Variants in PHF14 observed in about 807,000 individuals in gnomAD.
PHF14 encodes the protein PHD finger protein 14.
A neutral mutation model predicts 117.9 loss-of-function variants in PHF14; 55 were observed. The ratio of observed to expected loss-of-function variants is 0.47; its 90% CI spans 0.38 to 0.58. PHF14 has a LOEUF of 0.58. Among genes scored for constraint, PHF14 ranks in the 20% least tolerant of loss-of-function variants. The pLI, the probability that PHF14 is intolerant of heterozygous loss-of-function variation, is 0.00. For synonymous variants in PHF14, 409 were observed against 368.6 expected (o/e 1.11, Z -1.26); for missense variants, 978 against 1,122.2 (o/e 0.87, Z 1.84).
In PHF14 at chr7:11,103,541, A is replaced by G. The variant is rs764606017; in HGVS notation, c.2655-7809A>G. ...AAGTATGTTGAATATTTCATCACTC[A>G]ATCTTGAACTGATTTAGAAGAGACT... On this transcript the variant is annotated intron_variant, in intron 16 of 17. Coordinates refer to ENST00000634607, the MANE Select transcript of PHF14 (RefSeq NM_001007157.2). 1.4e-3 allele frequency: 1,382 copies of G among 985,130 alleles called. 1 individual carries two copies. The highest frequency in any genetic ancestry group is 1.6e-3 in the Non-Finnish European group (1,303 of 829,472). 61.0% of individuals were successfully genotyped at this position (985,130 alleles called of 1,614,324 possible). A position where few individuals can be genotyped will look rare whatever the true frequency, so the allele number is the denominator to read the frequency against.
chr7:11,006,192 T>G (rs1034769914), intron 4 of PHF14, among the ~76,000 whole-genome samples: 5 of 152,218 alleles, frequency 3.3e-5, no homozygotes, highest in Admixed American at 6.5e-5. Context: ...TAACATTGCA[T>G]ATTTGTAAAT....
intron 17 of PHF14, among the ~76,000 whole-genome samples, chr7:11,156,322 T>A (rs1179003481): frequency 6.7e-6 from 1 of 150,194 alleles, no homozygotes; most frequent in Non-Finnish European, 1.5e-5. Flanking sequence ...AAATTCAATT[T>A]CTTTTTAACC....
intron 17 of PHF14, among the ~76,000 whole-genome samples, chr7:11,112,499 G>A (rs926829516): frequency 4.6e-5 from 7 of 151,446 alleles, no homozygotes; most frequent in East Asian, 1.9e-4. Context: ...ATTTTTTGCC[G>A]GGTGGCTCAC....
intron 17 of PHF14, among the ~76,000 whole-genome samples, chr7:11,165,137 A>G (rs1011390197): frequency 3.3e-5 from 5 of 152,098 alleles, no homozygotes; most frequent in East Asian, 3.9e-4. Context: ...GTTGGCCAGG[A>G]TAGTCTCGGT....
chr7:11,096,435 T>G (rs983418498), intron 16 of PHF14, among the ~76,000 whole-genome samples: 2 of 152,204 alleles, frequency 1.3e-5, no homozygotes, highest in Middle Eastern at 3.2e-3. Flanking sequence ...ATCAAATATA[T>G]TTTTACTTTA....
intron 16 of PHF14, among the ~76,000 whole-genome samples, chr7:11,064,008 G>A (rs149805425): frequency 1.2e-3 from 184 of 151,794 alleles, no homozygotes; most frequent in African/African-American, 4.1e-3. Flanking sequence ...AGATAATATC[G>A]TAAATTGTCT....
At chr7:11,078,990 A>G (rs1043774755) in intron 16 of PHF14, among the ~76,000 whole-genome samples, 2 of 152,130 alleles carry the variant, frequency 1.3e-5, no homozygotes, top group African/African-American at 4.8e-5. Flanking sequence ...AATGTATGAT[A>G]TATGGTTGCT....
chr7:11,106,187 T>A, intron 16 of PHF14: 1 of 980,556 alleles, frequency 1.0e-6, no homozygotes, highest in Non-Finnish European at 1.2e-6. Context: ...CAGATATAGC[T>A]AACTGAATTG....
At chr7:11,076,862 C>T (rs1044591401) in intron 16 of PHF14, among the ~76,000 whole-genome samples, 4 of 150,016 alleles carry the variant, frequency 2.7e-5, no homozygotes, top group African/African-American at 9.8e-5. Flanking sequence ...GTCACTGTGC[C>T]TAGCTTTCAA....
intron 4 of PHF14, among the ~76,000 whole-genome samples, chr7:10,992,642 G>A (rs1272629691): frequency 6.6e-6 from 1 of 152,116 alleles, no homozygotes; most frequent in East Asian, 2.0e-4. Flanking sequence ...CAGCCTGGGC[G>A]ACAGAGGAAG....
intron 2 of PHF14, among the ~76,000 whole-genome samples, chr7:10,975,640 A>C (rs893476215): frequency 6.6e-6 from 1 of 152,216 alleles, no homozygotes; most frequent in Non-Finnish European, 1.5e-5. Flanking sequence ...GGAATCTGAG[A>C]AACAAAAATT....
intron 2 of PHF14, among the ~76,000 whole-genome samples, chr7:10,978,252 A>G (rs1212144751): frequency 6.6e-6 from 1 of 152,220 alleles, no homozygotes; most frequent in Non-Finnish European, 1.5e-5. Context: ...AAACAGTAGT[A>G]ATAATATTAG....
At chr7:11,123,728 C>T (rs1490228874) in intron 17 of PHF14, among the ~76,000 whole-genome samples, 4 of 151,638 alleles carry the variant, frequency 2.6e-5, no homozygotes, top group Non-Finnish European at 4.4e-5. Context: ...TGCAGTGAAC[C>T]GAGATCACAC....
rs759859799 is a variant in PHF14 at position 11,040,687 on chromosome 7, G to A, written c.2092G>A (p.Ala698Thr). ...RITGQKLNIPAILRAPKERKP... is the reference protein window; with the variant it reads ...RITGQKLNIPTILRAPKERKP... ...AAATCAATAGAAGTTGAATATACCG[G>A]CAATTTTGCGAGCACCCAAGGAGAG... The change falls in exon 12 of 18, where the codon GCA becomes ACA. Residue 698 changes from alanine to threonine, a missense_variant. Around this residue, in one of 7 missense-constraint regions of PHF14, gnomAD observed 237 missense variants for 276.4 expected, o/e 0.86. Coordinates refer to ENST00000634607, the MANE Select transcript of PHF14 (RefSeq NM_001007157.2). 14 of 1,550,658 alleles carry A rather than the reference G, an allele frequency of 9.0e-6. No individual in the cohort carries two copies. Among genetic ancestry groups the A allele is most frequent in the Admixed American group, 1.9e-5 (1 of 51,484 alleles).
At chr7:11,150,841 T>G (rs966327274) in intron 17 of PHF14, among the ~76,000 whole-genome samples, 17 of 152,200 alleles carry the variant, frequency 1.1e-4, no homozygotes, top group Non-Finnish European at 1.8e-4. Context: ...AAGTCTCAAA[T>G]GTCTACTGTG....
chr7:11,097,933 ATG>A (rs1194300629), intron 16 of PHF14, among the ~76,000 whole-genome samples: 1 of 151,888 alleles, frequency 6.6e-6, no homozygotes, highest in African/African-American at 2.4e-5. Context: ...GGGTGTGTGT[ATG>A]TGTGTGTGTA....
chr7:11,056,628 G>A (rs1272560649), intron 14 of PHF14, among the ~76,000 whole-genome samples: 2 of 151,640 alleles, frequency 1.3e-5, no homozygotes, highest in African/African-American at 4.8e-5. Flanking sequence ...TTTGTATATA[G>A]CAATTTTCTT....
chr7:11,104,341 G>T (rs529475018), intron 16 of PHF14: 1 of 975,706 alleles, frequency 1.0e-6, no homozygotes, highest in East Asian at 1.1e-4. Context: ...AAAAAGTATA[G>T]TTGAAGTAAG....
chr7:11,152,816 A>G (rs1788738802), intron 17 of PHF14, among the ~76,000 whole-genome samples: 1 of 152,152 alleles, frequency 6.6e-6, no homozygotes, highest in Admixed American at 6.6e-5. Context: ...CAAAGAACTC[A>G]CTCACTGATA....
Sources: allele counts gnomAD v4.1 joint callset (sites outside exome capture counted in the v4.1 genomes callset), GRCh38; gene constraint gnomAD v4.1.1; regional missense constraint gnomAD v4.1.1; transcripts MANE v1.5; gene names NCBI Gene and HGNC (gene_info 2026-07-23, HGNC 2026-07-21).